TTLL6: variants seen among roughly 807,000 people sequenced by gnomAD.
TTLL6 encodes tubulin polyglutamylase TTLL6.
In TTLL6, 75 loss-of-function variants were observed where a neutral mutation model predicts 96.4. That is an observed-to-expected ratio of 0.78 (90% CI 0.65 to 0.94). The LOEUF (loss-of-function observed/expected upper bound fraction) is 0.94, where lower values mean the gene tolerates loss of function less well. TTLL6 is among the 40% of genes least tolerant of loss of function. TTLL6 has a pLI of 0.00. For missense variants in TTLL6, 1,030 were observed against 1,093.0 expected (o/e 0.94, Z 0.81); for synonymous variants, 411 against 419.4 (o/e 0.98, Z 0.24).
At chr17:48,815,367 T>A (rs1431474537) in intron 1 of TTLL6, 1 of 152,222 alleles carries the variant, frequency 6.6e-6, no homozygotes, top group African/African-American at 2.4e-5. Context: ...ATTTCCCTAC[T>A]GGAAGCATCC....
At chr17:48,785,225 A>G (rs750012494) in intron 12 of TTLL6, 24 bp from the exon 13 acceptor site, 1 of 1,613,744 alleles carries the variant, frequency 6.2e-7, no homozygotes, top group Non-Finnish European at 8.5e-7. Context: ...AAACCACAAC[A>G]CACAGCCATG....
chr17:48,803,207 A>T (rs1000864591), intron 3 of TTLL6, among the ~76,000 whole-genome samples: 61 of 152,004 alleles, frequency 4.0e-4, no homozygotes, highest in African/African-American at 1.5e-3. Flanking sequence ...AATACAATAC[A>T]GCAAGAGCCG....
rs371709239 is a variant in TTLL6 at position 48,787,453 on chromosome 17, C to A, written c.1589+358G>T. On this transcript the variant is annotated intron_variant, in intron 11 of 15. Transcript: ENST00000393382. ...ACACCCACGCTGGAGTGCAGGGGTG[C>A]AATCACAGCTCCCTGCAGCTTCCAC... Among the ~76,000 whole-genome samples the A allele has an allele frequency of 1.0e-3, 158 of 152,292 alleles. 2 individuals carry two copies. The highest frequency in any genetic ancestry group is 3.6e-3 in the African/African-American group (149 of 41,568).
In TTLL6 at chr17:48,785,084, T is replaced by G; in HGVS notation, c.1879A>C (p.Ser627Arg). 1 of 1,614,170 alleles carries G rather than the reference T, an allele frequency of 6.2e-7. No individual in the cohort carries two copies. The highest frequency in any genetic ancestry group is 8.5e-7 in the Non-Finnish European group (1 of 1,180,028). Residue 627 changes from serine to arginine, a missense_variant, in exon 13 of 16, where the codon AGC becomes CGC. Physicochemically the swap from Ser to Arg is moderately radical, Grantham distance 110 (BLOSUM62 -1). Coordinates refer to ENST00000393382, the MANE Select transcript of TTLL6 (RefSeq NM_001130918.3). ...GACGTCAGCTTGGGGAAAACAGAGC[T>G]GGCCTCCTCCGTGGGAGCCTCCTGG... ...LNQEAPTEEASSVFPKLTSAK... is the reference protein window; with the variant it reads ...LNQEAPTEEARSVFPKLTSAK...
rs2038710771 is a variant in TTLL6, at chr17:48,770,158, T to C, written c.2041-61A>G. 7 of 1,386,778 alleles carry C rather than the reference T, an allele frequency of 5.0e-6. No individual in the cohort carries two copies. In the East Asian group the frequency reaches 1.7e-4, roughly 35 times the overall value. 85.9% of individuals were successfully genotyped at this position (1,386,778 alleles called of 1,614,324 possible). Reference sequence around the variant, plus strand: ...AAGCAAAGGGTTCCTTCCTATGCTATTTTTTTTTTATTTTTATTTTTTGAG... The same window carrying C: ...AAGCAAAGGGTTCCTTCCTATGCTACTTTTTTTTTATTTTTATTTTTTGAG... On this transcript the variant is annotated intron_variant, in intron 13 of 15. Transcript: ENST00000393382.
chr17:48,806,044 G>A (rs1228853689), intron 1 of TTLL6: 2 of 152,650 alleles, frequency 1.3e-5, no homozygotes, highest in African/African-American at 4.8e-5. Flanking sequence ...AGGAGGCGGA[G>A]GTTGTGGTGA....
At chr17:48,803,324 A>G (rs1233718512) in intron 3 of TTLL6, among the ~76,000 whole-genome samples, 3 of 151,936 alleles carry the variant, frequency 2.0e-5, no homozygotes, top group Non-Finnish European at 4.4e-5. Context: ...GCGAAACCCC[A>G]TCTCTACTAG....
chr17:48,769,664 C>A, intron 14 of TTLL6, 64 bp downstream of exon 14: 1 of 1,557,424 alleles, frequency 6.4e-7, no homozygotes, highest in Non-Finnish European at 8.7e-7. Flanking sequence ...AAGATTAGGA[C>A]TGGTTCTATC....
chr17:48,771,078 T>C (rs529320508), intron 13 of TTLL6, among the ~76,000 whole-genome samples: 1 of 152,284 alleles, frequency 6.6e-6, no homozygotes, highest in African/African-American at 2.4e-5. Context: ...GCCACAGACT[T>C]ACTGGCTAGA....
intron 1 of TTLL6, among the ~76,000 whole-genome samples, chr17:48,811,858 G>A (rs1236242276): frequency 2.6e-5 from 4 of 151,898 alleles, no homozygotes; most frequent in Non-Finnish European, 5.9e-5. Flanking sequence ...TCACCATGCC[G>A]GCCTAATTAT....
At chr17:48,811,518 G>A (rs1295512421) in intron 1 of TTLL6, among the ~76,000 whole-genome samples, 1 of 151,864 alleles carries the variant, frequency 6.6e-6, no homozygotes, top group Non-Finnish European at 1.5e-5. Context: ...ACCATGAGCC[G>A]CTGTGCCCAG....
Position 48,801,588 on chromosome 17 carries a change from C to A in TTLL6, c.417G>T (p.Trp139Cys). ...GFREGGEDDD[W>C]TLYWTDYSVS... ...CTGAGTAATCTGTCCAATAGAGAGT[C>A]CAGTCATCGTCTTCCCCTCCCTCTC... is the stretch of plus-strand genomic sequence containing the variant. Residue 139 changes from tryptophan to cysteine, a missense_variant, in exon 4 of 16, where the codon TGG becomes TGT. Physicochemically the swap from Trp to Cys is radical, Grantham distance 215 (BLOSUM62 -2). Coordinates refer to ENST00000393382, the MANE Select transcript of TTLL6 (RefSeq NM_001130918.3). The A allele has an allele frequency of 6.4e-7, 1 of 1,551,816 alleles. No individual in the cohort carries two copies.
At chr17:48,789,501 A>G (rs993545393) in intron 10 of TTLL6, among the ~76,000 whole-genome samples, 2 of 152,196 alleles carry the variant, frequency 1.3e-5, no homozygotes, top group Admixed American at 6.5e-5. Flanking sequence ...AGTGACAGAA[A>G]GGCCACATAA....
chr17:48,813,371 ATG>A (rs2039621384), intron 1 of TTLL6, among the ~76,000 whole-genome samples: 1 of 152,078 alleles, frequency 6.6e-6, no homozygotes, highest in African/African-American at 2.4e-5. Flanking sequence ...CCTGGACAAC[ATG>A]GTGAAACCCC....
At chr17:48,777,133 A>G (rs1390082538) in intron 13 of TTLL6, among the ~76,000 whole-genome samples, 1 of 152,146 alleles carries the variant, frequency 6.6e-6, no homozygotes, top group East Asian at 1.9e-4. Context: ...AAGTTACCAA[A>G]GCAATTCAAT....
intron 13 of TTLL6, 121 bp from the exon 14 acceptor site, chr17:48,770,218 A>C: frequency 7.3e-7 from 1 of 1,375,474 alleles, no homozygotes; most frequent in Non-Finnish European, 9.6e-7. Flanking sequence ...GCTGGCCTCA[A>C]ATTGGGCTCA....
chr17:48,763,184 A>G (rs1483584554), intron 15 of TTLL6, among the ~76,000 whole-genome samples: 1 of 152,132 alleles, frequency 6.6e-6, no homozygotes, highest in Non-Finnish European at 1.5e-5. Flanking sequence ...ATCATTTAAG[A>G]GCAGCCAAGA....
chr17:48,807,882 A>T (rs1203677427), intron 1 of TTLL6, among the ~76,000 whole-genome samples: 1 of 151,834 alleles, frequency 6.6e-6, no homozygotes, highest in East Asian at 1.9e-4. Flanking sequence ...TCAGTCGCCC[A>T]GGCTGGAGTG....
At chr17:48,794,145 A>AG in intron 8 of TTLL6, 1 of 1,609,982 alleles carries the variant, frequency 6.2e-7, no homozygotes, top group Non-Finnish European at 8.5e-7. Flanking sequence ...AGATGAACAG[A>AG]GGAAGAGGAC....
Sources: gnomAD v4.1 joint callset for allele counts (sites outside exome capture counted in the v4.1 genomes callset) on GRCh38, gnomAD v4.1.1 for gene constraint, MANE v1.5 for transcripts, NCBI Gene and HGNC (gene_info 2026-07-23, HGNC 2026-07-21) for gene names.